The following RBFOX1 variants were observed in gnomAD, a reference collection of about 807,000 sequenced individuals.
The protein encoded by RBFOX1 is RNA binding fox-1 homolog 1.
RBFOX1 carries 8 observed loss-of-function variants against 57.7 expected under a neutral mutation model. The ratio of observed to expected loss-of-function variants is 0.14; its 90% CI spans 0.08 to 0.25. The LOEUF (loss-of-function observed/expected upper bound fraction) is 0.25, where lower values mean the gene tolerates loss of function less well. Ranked by LOEUF, RBFOX1 falls within the 10% of genes least tolerant of loss-of-function variation. RBFOX1 has a pLI of 1.00. For missense variants in RBFOX1, 611 were observed against 548.5 expected (o/e 1.11, Z -1.14); for synonymous variants, 326 against 222.4 (o/e 1.47, Z -4.15).
chr16:5,855,790 T>C (rs2057010030), intron 3 of RBFOX1, among the ~76,000 whole-genome samples: 1 of 152,056 alleles, frequency 6.6e-6, no homozygotes, highest in African/African-American at 2.4e-5. Context: ...GGGATCATAC[T>C]GACTGTAGAT....
chr16:6,863,725 C>CTT (rs71408412), intron 3 of RBFOX1, among the ~76,000 whole-genome samples: 774 of 67,708 alleles, frequency 0.011, 92 homozygotes, highest in African/African-American at 0.043. Flanking sequence ...GATGCCTGCG[C>CTT]TTTTTTTTTT....
At chr16:7,123,907 A>C (rs1240400247) in intron 4 of RBFOX1, among the ~76,000 whole-genome samples, 1 of 152,208 alleles carries the variant, frequency 6.6e-6, no homozygotes, top group Non-Finnish European at 1.5e-5. Flanking sequence ...GCAGTGGAGA[A>C]GAGAAAGGAG....
chr16:5,373,179 C>T (rs1025921808), intron 1 of RBFOX1, among the ~76,000 whole-genome samples: 3 of 152,166 alleles, frequency 2.0e-5, no homozygotes, highest in Non-Finnish European at 4.4e-5. Context: ...ACAGCTGCTG[C>T]AGCATTCCTT....
chr16:6,082,640 C>A (rs1205869562), intron 1 of RBFOX1, among the ~76,000 whole-genome samples: 1 of 152,016 alleles, frequency 6.6e-6, no homozygotes, highest in East Asian at 1.9e-4. Context: ...AAACCAAATG[C>A]TGGCAATAGG....
intron 4 of RBFOX1, among the ~76,000 whole-genome samples, chr16:7,156,652 A>G (rs532843882): frequency 2.6e-5 from 4 of 152,266 alleles, no homozygotes; most frequent in Non-Finnish European, 4.4e-5. Flanking sequence ...ATAATACACT[A>G]CATTTAATTT....
chr16:7,359,419 T>C (rs1477856298), intron 4 of RBFOX1, among the ~76,000 whole-genome samples: 2 of 152,210 alleles, frequency 1.3e-5, no homozygotes, highest in African/African-American at 4.8e-5. Flanking sequence ...TGTGAATGTG[T>C]GATACTAGGG....
intron 1 of RBFOX1, among the ~76,000 whole-genome samples, chr16:6,155,934 A>T (rs1331062764): frequency 6.6e-6 from 1 of 152,042 alleles, no homozygotes; most frequent in Non-Finnish European, 1.5e-5. Context: ...TTTGCCAGGC[A>T]CTCTGATAAG....
chr16:6,576,250 C>G (rs997082708), intron 2 of RBFOX1, among the ~76,000 whole-genome samples: 4 of 152,134 alleles, frequency 2.6e-5, no homozygotes, highest in African/African-American at 9.7e-5. Context: ...AAGGCAGGGA[C>G]CACTCTGGTC....
At chr16:7,156,781 C>A (rs773106598) in intron 4 of RBFOX1, among the ~76,000 whole-genome samples, 1 of 152,118 alleles carries the variant, frequency 6.6e-6, no homozygotes, top group Non-Finnish European at 1.5e-5. Context: ...AACACTGCAT[C>A]TGTGTATACT....
At chr16:5,896,114 A>G (rs993261328) in intron 4 of RBFOX1, among the ~76,000 whole-genome samples, 3 of 152,106 alleles carry the variant, frequency 2.0e-5, no homozygotes, top group African/African-American at 7.2e-5. Context: ...AATTAGTATA[A>G]GGAAGGGAGA....
chr16:6,722,303 A>C (rs765787892), intron 3 of RBFOX1, among the ~76,000 whole-genome samples: 2 of 144,164 alleles, frequency 1.4e-5, no homozygotes, highest in Non-Finnish European at 3.1e-5. Flanking sequence ...CAGCCTCGCC[A>C]ACTTTTGTTA....
intron 7 of RBFOX1, among the ~76,000 whole-genome samples, chr16:7,588,341 C>G (rs1013745403): frequency 6.6e-6 from 1 of 152,160 alleles, no homozygotes; most frequent in Non-Finnish European, 1.5e-5. Context: ...AGGCTCCAGC[C>G]CTGATCTGTT....
At chr16:7,182,753 C>T (rs2082972117) in intron 4 of RBFOX1, among the ~76,000 whole-genome samples, 1 of 152,092 alleles carries the variant, frequency 6.6e-6, no homozygotes, top group Non-Finnish European at 1.5e-5. Flanking sequence ...AAATGGAGCC[C>T]ATCAGATTTG....
intron 2 of RBFOX1, among the ~76,000 whole-genome samples, chr16:6,456,453 A>G (rs1299886277): frequency 6.6e-6 from 1 of 152,162 alleles, no homozygotes; most frequent in South Asian, 2.1e-4. Context: ...CGATTATTCA[A>G]GTTTATCATT....
intron 3 of RBFOX1, among the ~76,000 whole-genome samples, chr16:6,946,410 A>C (rs750504350): frequency 3.3e-5 from 5 of 152,178 alleles, no homozygotes; most frequent in Non-Finnish European, 7.3e-5. Flanking sequence ...CTCTACGCTT[A>C]TTGCCTGAGT....
chr16:6,294,833 T>C (rs2077891787), intron 1 of RBFOX1, among the ~76,000 whole-genome samples: 2 of 152,304 alleles, frequency 1.3e-5, no homozygotes, highest in Middle Eastern at 3.4e-3. Flanking sequence ...TGCATGTAAA[T>C]AGGAGGAATG....
At position 6,786,097 on chromosome 16, in the gene RBFOX1, C is replaced by A. The variant is rs186362361; in HGVS notation, c.-16+131447C>A. ...AAGCCTGTTCAGGGCCTGGAGTGGG[C>A]TTTGTCACTTTGGCAAAAGTCTGCA... On this transcript the variant is annotated intron_variant, in intron 3 of 15. Transcript: ENST00000550418. Among the ~76,000 whole-genome samples, 4 of 152,298 alleles carry A rather than the reference C, an allele frequency of 2.6e-5. No homozygotes were observed. The East Asian group carries it at 7.7e-4, about 29-fold the overall frequency.
At chr16:5,609,843 G>A (rs1194691457) in intron 3 of RBFOX1, among the ~76,000 whole-genome samples, 1 of 151,944 alleles carries the variant, frequency 6.6e-6, no homozygotes, top group African/African-American at 2.4e-5. Flanking sequence ...GGGTAGGTGG[G>A]GGTGGGGAGC....
intron 4 of RBFOX1, among the ~76,000 whole-genome samples, chr16:7,190,947 C>T (rs2085228431): frequency 6.6e-6 from 1 of 151,720 alleles, no homozygotes; most frequent in Non-Finnish European, 1.5e-5. Flanking sequence ...CTGGACTTCT[C>T]CCTAATCATC....
Sources: gnomAD v4.1 joint callset for allele counts (sites outside exome capture counted in the v4.1 genomes callset) on GRCh38, gnomAD v4.1.1 for gene constraint, MANE v1.5 for transcripts, NCBI Gene and HGNC (gene_info 2026-07-23, HGNC 2026-07-21) for gene names.